The following AXDND1 variants were observed in gnomAD, a reference collection of about 807,000 sequenced individuals.
The protein encoded by AXDND1 is axonemal dynein light chain domain containing 1, also known as axonemal dynein light chain domain-containing protein 1.
A neutral mutation model predicts 137.5 loss-of-function variants in AXDND1; 110 were observed. The observed-to-expected ratio is 0.80, with a 90% CI of 0.69 to 0.94. The LOEUF is 0.94. Among genes scored for constraint, AXDND1 ranks in the 40% least tolerant of loss-of-function variants. AXDND1 has a pLI of 0.00. For missense variants in AXDND1, 1,191 were observed against 1,169.8 expected, an observed-to-expected ratio of 1.02 and a Z score of -0.26; for synonymous variants, 414 against 399.7, an observed-to-expected ratio of 1.04 and a Z score of -0.43.
intron 16 of AXDND1, among the ~76,000 whole-genome samples, chr1:179,464,633 C>A (rs1054177405): frequency 9.2e-5 from 14 of 152,130 alleles, no homozygotes; most frequent in Non-Finnish European, 1.6e-4. Context: ...GTGGCATTCT[C>A]TGTATTTCCT....
intron 25 of AXDND1, among the ~76,000 whole-genome samples, chr1:179,539,309 T>A (rs2125721544): frequency 6.6e-6 from 1 of 152,342 alleles, no homozygotes; most frequent in South Asian, 2.1e-4. Context: ...ATTTGGCATG[T>A]TTTTGCAGTG....
At chr1:179,456,841 ATTT>A (rs1661479424) in intron 16 of AXDND1, 1 of 812,182 alleles carries the variant, frequency 1.2e-6, no homozygotes, top group Non-Finnish European at 2.2e-6. Flanking sequence ...ACAGTATGCT[ATTT>A]CTGAATGACA....
chr1:179,466,517 T>C (rs1663222787), intron 16 of AXDND1, among the ~76,000 whole-genome samples: 1 of 152,096 alleles, frequency 6.6e-6, no homozygotes, highest in African/African-American at 2.4e-5. Flanking sequence ...ATTTTAAAAT[T>C]TTAATTATTA....
intron 20 of AXDND1, among the ~76,000 whole-genome samples, chr1:179,496,539 A>G (rs61827665): frequency 0.2 from 30,606 of 151,810 alleles, 3,217 homozygotes; most frequent in Non-Finnish European, 0.23. Flanking sequence ...TAATAATTGT[A>G]GGATGTCCAC....
At chr1:179,419,164 C>T (rs538877617) in intron 12 of AXDND1, among the ~76,000 whole-genome samples, 11 of 151,224 alleles carry the variant, frequency 7.3e-5, no homozygotes, top group South Asian at 4.2e-4. Context: ...CTCCTCACAT[C>T]CCAGACGATG....
chr1:179,511,720 A>T (rs1669079874), intron 21 of AXDND1, among the ~76,000 whole-genome samples: 2 of 152,134 alleles, frequency 1.3e-5, no homozygotes, highest in Admixed American at 6.5e-5. Flanking sequence ...TCATGGCAAC[A>T]TCTACCGTTT....
intron 9 of AXDND1, among the ~76,000 whole-genome samples, chr1:179,391,907 T>C (rs1011073759): frequency 4.6e-5 from 7 of 152,146 alleles, no homozygotes; most frequent in Non-Finnish European, 8.8e-5. Context: ...CCTGCTGCCA[T>C]GTGAAGAAGG....
chr1:179,493,460 T>C (rs1406361331), intron 20 of AXDND1, among the ~76,000 whole-genome samples: 1 of 152,224 alleles, frequency 6.6e-6, no homozygotes, highest in Non-Finnish European at 1.5e-5. Context: ...CTTCAGTGCA[T>C]ATTCATATGT....
At position 179,372,186 on chromosome 1, in the gene AXDND1, A is replaced by G. The variant is rs1668098911; in HGVS notation, c.374+2108A>G. On this transcript the variant is annotated intron_variant, in intron 4 of 25. Coordinates refer to ENST00000367618, the MANE Select transcript of AXDND1 (RefSeq NM_144696.6). ...CTCAATCACCCAGAACCCAGCAGTAAAATATAAAACAGCAAAGCAAATATT... is the reference window on the plus strand; with the variant it reads ...CTCAATCACCCAGAACCCAGCAGTAGAATATAAAACAGCAAAGCAAATATT... Among the ~76,000 whole-genome samples the G allele has an allele frequency of 5.3e-5, 8 of 152,232 alleles. No homozygotes were observed. The South Asian group carries it at 8.3e-4, about 16-fold the overall frequency.
intron 11 of AXDND1, among the ~76,000 whole-genome samples, chr1:179,402,429 G>T (rs562793207): frequency 3.3e-5 from 5 of 152,078 alleles, no homozygotes; most frequent in Non-Finnish European, 5.9e-5. Context: ...AACTTAAGCT[G>T]TCACCCCCAC....
intron 9 of AXDND1, among the ~76,000 whole-genome samples, chr1:179,393,401 G>C (rs1156258103): frequency 6.6e-6 from 1 of 152,048 alleles, no homozygotes; most frequent in Non-Finnish European, 1.5e-5. Context: ...CAGGTAATGT[G>C]ATGTTTCCAG....
intron 17 of AXDND1, among the ~76,000 whole-genome samples, chr1:179,469,972 T>C (rs1558229268): frequency 6.6e-6 from 1 of 152,156 alleles, no homozygotes; most frequent in Non-Finnish European, 1.5e-5. Context: ...TACATTAAGG[T>C]CTCTGATCCA....
At chr1:179,429,682 T>C in intron 13 of AXDND1, 63 bp downstream of exon 13, 1 of 870,480 alleles carries the variant, frequency 1.1e-6, no homozygotes, top group African/African-American at 1.7e-5. Context: ...GTTGAGACTG[T>C]AAGATGCCTT....
At chr1:179,415,290 C>T (rs569904739) in intron 12 of AXDND1, among the ~76,000 whole-genome samples, 8 of 151,990 alleles carry the variant, frequency 5.3e-5, no homozygotes, top group Non-Finnish European at 7.4e-5. Flanking sequence ...TGCAGTGAGC[C>T]GAGATCGCAC....
rs181573156 is a variant in AXDND1, at chr1:179,394,450, C to T, written c.1004+407C>T. ...CTAAAAATACAAATAATTAGACAGG[C>T]GTGGTGGCACATGCCTATAATCCCA... On this transcript the variant is annotated intron_variant, in intron 10 of 25. Coordinates refer to ENST00000367618, the MANE Select transcript of AXDND1 (RefSeq NM_144696.6). Among the ~76,000 whole-genome samples the T allele has an allele frequency of 3.1e-3, 473 of 151,998 alleles. 3 individuals are homozygous for T. The highest frequency in any genetic ancestry group is 0.01 in the African/African-American group (430 of 41,478).
At chr1:179,486,672 T>C (rs1472422961) in intron 18 of AXDND1, among the ~76,000 whole-genome samples, 1 of 148,962 alleles carries the variant, frequency 6.7e-6, no homozygotes, top group East Asian at 1.9e-4. Flanking sequence ...TGTGGGCTTA[T>C]GTTCAGCATT....
Position 179,414,510 on chromosome 1 carries a change from C to T in AXDND1, c.1230+3244C>T, listed in dbSNP as rs193285164. Among the ~76,000 whole-genome samples the T allele has an allele frequency of 9.5e-4, 145 of 152,130 alleles. 1 individual carries two copies. Among genetic ancestry groups the T allele is most frequent in the African/African-American group, 2.9e-3 (122 of 41,506 alleles). On this transcript the variant is annotated intron_variant, in intron 12 of 25. Transcript: ENST00000367618. ...CATGATCTCGGCTCACTGCAGGCTC[C>T]GCCCCCTGGGGTTCACGCCATTCTC...
intron 21 of AXDND1, among the ~76,000 whole-genome samples, chr1:179,515,568 C>T (rs764188406): frequency 5.9e-5 from 9 of 152,168 alleles, no homozygotes; most frequent in Middle Eastern, 3.4e-3. Flanking sequence ...GATCTTTTTG[C>T]GATGAATTTC....
intron 21 of AXDND1, among the ~76,000 whole-genome samples, chr1:179,511,156 G>T (rs1669008877): frequency 6.6e-6 from 1 of 151,274 alleles, no homozygotes; most frequent in Non-Finnish European, 1.5e-5. Context: ...GACAGAGTGA[G>T]ACTCTGTCCC....
Sources: gnomAD v4.1 joint callset for allele counts (sites outside exome capture counted in the v4.1 genomes callset) on GRCh38, gnomAD v4.1.1 for gene constraint, MANE v1.5 for transcripts, NCBI Gene and HGNC (gene_info 2026-07-23, HGNC 2026-07-21) for gene names.